The following SH3D21 variants were observed in gnomAD, a reference collection of about 807,000 sequenced individuals.
The protein encoded by SH3D21 is SH3 domain-containing protein 21.
SH3D21 carries 83 observed loss-of-function variants against 82.1 expected under a neutral mutation model. The observed-to-expected ratio is 1.01, with a 90% CI of 0.85 to 1.21. The LOEUF (loss-of-function observed/expected upper bound fraction) is 1.21, where lower values mean the gene tolerates loss of function less well. Ranked by LOEUF, SH3D21 falls within the 50% of genes most tolerant of loss-of-function variation. SH3D21 has a pLI of 0.00. For missense variants in SH3D21, 980 were observed against 962.1 expected (o/e 1.02, Z -0.25); for synonymous variants, 383 against 387.8 (o/e 0.99, Z 0.15).
rs770994903 is a variant in SH3D21, at chr1:36,320,466, AGAG to A, written c.1808_1810del (p.Glu603del). The A allele has an allele frequency of 2.9e-5, 46 of 1,613,584 alleles. No individual in the cohort carries two copies. Among genetic ancestry groups the A allele is most frequent in the African/African-American group, 4.0e-5 (3 of 74,868 alleles). ...CTTCCAATGACGAGAGGACCCCTGA[AGAG>A]GAGGCGCCCCCCAACGAGCAGAGGC... On this transcript the variant is annotated inframe_deletion, in exon 14 of 16. Transcript: ENST00000453908.
downstream of SH3D21, chr1:36,327,601 G>T: frequency 1.8e-6 from 2 of 1,106,678 alleles, no homozygotes; most frequent in South Asian, 1.6e-5. Context: ...TGTGACATAT[G>T]TGTTTGGAGT....
intron 14 of SH3D21, 39 bp from the exon 15 acceptor site, chr1:36,320,876 C>T (rs979761236): frequency 6.4e-7 from 1 of 1,552,538 alleles, no homozygotes; most frequent in Non-Finnish European, 8.7e-7. Flanking sequence ...ACCTCCAGCC[C>T]TCACCTGCCC....
downstream of SH3D21, among the ~76,000 whole-genome samples, chr1:36,329,507 T>C (rs1012007591): frequency 1.3e-5 from 2 of 152,208 alleles, no homozygotes; most frequent in Admixed American, 6.5e-5. Context: ...GAATCTGCCT[T>C]CCTTCCAGGG....
chr1:36,330,212 G>A (rs1646578721), downstream of SH3D21, among the ~76,000 whole-genome samples: 1 of 152,166 alleles, frequency 6.6e-6, no homozygotes, highest in South Asian at 2.1e-4. Context: ...AGCCTGGCAG[G>A]ACAAATAAAA....
In SH3D21 at chr1:36,319,523, C is replaced by G. The variant is rs1039694978; in HGVS notation, c.998C>G (p.Ser333Cys). ...RSKTQTPQQR[S>C]VSSQEEEHSS... is the part of the protein sequence containing the mutation. ...AAAACCCAGACTCCCCAGCAACGCT[C>G]TGTGTCCAGTCAGGTGAGGGGCGGG... The change falls in exon 13 of 16, where the codon TCT becomes TGT. Residue 333 changes from serine to cysteine, a missense_variant. Ser to Cys is a moderately radical substitution (Grantham distance 112, BLOSUM62 -1). Coordinates refer to ENST00000453908, the MANE Select transcript of SH3D21 (RefSeq NM_001162530.2). 2 of 1,551,556 alleles carry G rather than the reference C, an allele frequency of 1.3e-6. No homozygotes were observed. The highest frequency in any genetic ancestry group is 1.7e-6 in the Non-Finnish European group (2 of 1,146,984).
Position 36,320,515 on chromosome 1 carries a change from CCCAAAGAGGGAGTGGCTT to C in SH3D21, c.1862_1879del (p.Gly621_Glu626del). The C allele has an allele frequency of 6.2e-7, 1 of 1,614,120 alleles. No homozygotes were observed. Among genetic ancestry groups the C allele is most frequent in the Non-Finnish European group, 8.5e-7 (1 of 1,180,026 alleles). ...GAGGCCTCTGAGAGAGGAGGTGCTCCCCAAAGAGGGAGTGGCTTCCAAAGAGGAGGTGACCCTGAAAGA... is the reference window on the plus strand; with the variant it reads ...GAGGCCTCTGAGAGAGGAGGTGCTCCCCAAAGAGGAGGTGACCCTGAAAGA... On this transcript the variant is annotated inframe_deletion, in exon 14 of 16. Coordinates refer to ENST00000453908, the MANE Select transcript of SH3D21 (RefSeq NM_001162530.2).
At position 36,306,533 on chromosome 1, in the gene SH3D21, G is replaced by C. The variant is rs555649804; in HGVS notation, c.5-65G>C. On this transcript the variant is annotated intron_variant, in intron 1 of 15. Transcript: ENST00000453908. The surrounding 1 kb of genome is among the most constrained non-coding windows in gnomAD (Gnocchi z 4.5). ...CTCTACGGTGCTTGGGGACACGCCC[G>C]CCCTAGCCAGGCTGCCCGGCTGGGC... is the stretch of plus-strand genomic sequence containing the variant. 23 of 1,302,710 alleles carry C rather than the reference G, an allele frequency of 1.8e-5. No homozygotes were observed. In the South Asian group the frequency reaches 2.7e-4, roughly 15 times the overall value. The allele number at this position is 1,302,710 out of a possible 1,614,324, so 80.7% of individuals were successfully genotyped here.
At chr1:36,327,022 A>G (rs1230933147), downstream of SH3D21, among the ~76,000 whole-genome samples, 3 of 152,180 alleles carry the variant, frequency 2.0e-5, no homozygotes, top group Non-Finnish European at 4.4e-5. Flanking sequence ...CCACCCCAGA[A>G]GTGGATGAGA....
chr1:36,321,372 T>G, downstream of SH3D21: 3 of 1,351,874 alleles, frequency 2.2e-6, no homozygotes, highest in African/African-American at 1.5e-5. This position sits in a 1 kb window ranked among gnomAD's most constrained non-coding sequence, Gnocchi z 6.1. Flanking sequence ...CGGCTATTTT[T>G]ATCCACCGGA....
At chr1:36,309,366 T>G in intron 9 of SH3D21, 182 bp from the exon 10 acceptor site, 1 of 601,094 alleles carries the variant, frequency 1.7e-6, no homozygotes, top group East Asian at 3.0e-5. Flanking sequence ...CCAGCTAATT[T>G]TTGTATTTTT....
downstream of SH3D21, chr1:36,327,612 G>C: frequency 1.7e-6 from 2 of 1,150,420 alleles, no homozygotes; most frequent in Non-Finnish European, 2.2e-6. Flanking sequence ...TGTTTGGAGT[G>C]GGTCAGGTAT....
In SH3D21 at chr1:36,319,859, C is replaced by T. The variant is rs1200286297; in HGVS notation, c.1196C>T (p.Pro399Leu). 6.2e-7 allele frequency: 1 copy of T among 1,613,904 alleles called. No individual in the cohort carries two copies. Reference protein sequence around the residue: ...TLTLGDKASIPGNSTSGKIPA... With the variant: ...TLTLGDKASILGNSTSGKIPA... ...ACTCTAGGGGACAAGGCCTCTATCC[C>T]AGGGAACTCCACCTCGGGGAAGATC... The change falls in exon 14 of 16, where the codon CCA (proline) becomes CTA (leucine). Residue 399 changes from proline to leucine, a missense_variant. Physicochemically the swap from Pro to Leu is moderately conservative, Grantham distance 98. Coordinates refer to ENST00000453908, the MANE Select transcript of SH3D21 (RefSeq NM_001162530.2).
chr1:36,319,889 C>G lies in SH3D21; in HGVS notation c.1226C>G (p.Ala409Gly), dbSNP rs751469523. ...PGNSTSGKIPAPDKVPTPEKM... is the reference protein window; with the variant it reads ...PGNSTSGKIPGPDKVPTPEKM... ...AACTCCACCTCGGGGAAGATCCCAG[C>G]TCCTGACAAAGTCCCCACCCCAGAG... Residue 409 changes from alanine (A) to glycine (G), a missense_variant, in exon 14 of 16, where the codon GCT (alanine) becomes GGT (glycine). By Grantham distance (60) the Ala-to-Gly change is moderately conservative (BLOSUM62 0). Transcript: ENST00000453908. 2 of 1,614,096 alleles carry G rather than the reference C, an allele frequency of 1.2e-6. No individual in the cohort carries two copies. The highest frequency in any genetic ancestry group is 1.7e-6 in the Non-Finnish European group (2 of 1,179,998).
In SH3D21 at chr1:36,316,923, C is replaced by G. The variant is rs4363401; in HGVS notation, c.770-2148C>G. ...GGACTGAAAGCACTGGGATTACAGG[C>G]GTGAGCCACTGGGAGTGCTGGGATT... On this transcript the variant is annotated intron_variant, in intron 10 of 15. Coordinates refer to ENST00000453908, the MANE Select transcript of SH3D21 (RefSeq NM_001162530.2). Among the ~76,000 whole-genome samples the G allele has an allele frequency of 6.8e-4, 104 of 152,212 alleles. 2 individuals carry two copies. In the East Asian group the frequency reaches 0.012, roughly 17 times the overall value.
chr1:36,312,325 A>G (rs1317294301), intron 10 of SH3D21, among the ~76,000 whole-genome samples: 1 of 152,162 alleles, frequency 6.6e-6, no homozygotes, highest in East Asian at 1.9e-4. Context: ...ACACGGCCAT[A>G]AGACCATAAT....
chr1:36,306,906 G>A lies in SH3D21; in HGVS notation c.226+1G>A. ...AGGCCGCGCTGTGCGCGCCGCCGAG[G>A]TGAGCGCAAGGGCGGGGACGGGCGC... On this transcript the variant is annotated splice_donor_variant, in intron 3 of 15. Coordinates refer to ENST00000453908, the MANE Select transcript of SH3D21 (RefSeq NM_001162530.2). LOFTEE classifies it high-confidence loss of function. The surrounding 1 kb of genome is among the most constrained non-coding windows in gnomAD (Gnocchi z 4.5). The A allele has an allele frequency of 7.5e-7, 1 of 1,326,808 alleles. No homozygotes were observed. The highest frequency in any genetic ancestry group is 9.9e-7 in the Non-Finnish European group (1 of 1,014,246). 82.2% of individuals were successfully genotyped at this position (1,326,808 alleles called of 1,614,324 possible).
chr1:36,306,439 TTTGAGGTGGCC>T lies in SH3D21; in HGVS notation c.4+17_4+27del. Reference sequence around the variant, plus strand: ...GGAAACCATGGGTAAGTGCGGAGGCTTTGAGGTGGCCTCTCTCTGCAACCGTGGACATAGCA... The same window carrying T: ...GGAAACCATGGGTAAGTGCGGAGGCTTCTCTCTGCAACCGTGGACATAGCA... On this transcript the variant is annotated intron_variant, in intron 1 of 15. Transcript: ENST00000453908. The surrounding 1 kb of genome is among the most constrained non-coding windows in gnomAD (Gnocchi z 4.5). 7.7e-7 allele frequency: 1 copy of T among 1,305,340 alleles called. No individual in the cohort carries two copies. The highest frequency in any genetic ancestry group is 1.0e-6 in the Non-Finnish European group (1 of 988,946). 80.9% of individuals were successfully genotyped at this position (1,305,340 alleles called of 1,614,324 possible).
Position 36,307,082 on chromosome 1 carries a change from A to G in SH3D21, c.227-85A>G. ...CCCTGGGGCGGGGCTGGAGGGACCA[A>G]AGGCTACGTGCGCGCCTTGCGCTTC... On this transcript the variant is annotated intron_variant, in intron 3 of 15. Transcript: ENST00000453908. The surrounding 1 kb of genome is among the most constrained non-coding windows in gnomAD (Gnocchi z 5.4). 2 of 1,532,032 alleles carry G rather than the reference A, an allele frequency of 1.3e-6. No homozygotes were observed. Among genetic ancestry groups the G allele is most frequent in the Non-Finnish European group, 1.8e-6 (2 of 1,136,498 alleles). The allele number at this position is 1,532,032 out of a possible 1,614,324, so 94.9% of individuals were successfully genotyped here.
At position 36,319,495 on chromosome 1, in the gene SH3D21, T is replaced by C; in HGVS notation, c.970T>C (p.Ser324Pro). ...TTCGTATCACCCTGGCCGAAAGCGA[T>C]CCAAAACCCAGACTCCCCAGCAACG... Reference protein sequence around the residue: ...GGSYHPGRKRSKTQTPQQRSV... With the variant: ...GGSYHPGRKRPKTQTPQQRSV... The change falls in exon 13 of 16, where the codon TCC (serine) becomes CCC (proline). Residue 324 changes from serine to proline, a missense_variant. Ser to Pro is a moderately conservative substitution (Grantham distance 74, BLOSUM62 -1). Coordinates refer to ENST00000453908, the MANE Select transcript of SH3D21 (RefSeq NM_001162530.2). 2 of 1,551,488 alleles carry C rather than the reference T, an allele frequency of 1.3e-6. No individual in the cohort carries two copies. Among genetic ancestry groups the C allele is most frequent in the Non-Finnish European group, 1.7e-6 (2 of 1,146,956 alleles).
Sources: allele counts gnomAD v4.1 joint callset (sites outside exome capture counted in the v4.1 genomes callset), GRCh38; gene constraint gnomAD v4.1.1; non-coding constraint Gnocchi (gnomAD v3.1); transcripts MANE v1.5; gene names NCBI Gene and HGNC (gene_info 2026-07-23, HGNC 2026-07-21).